Variants in ACOX2 observed in about 807,000 individuals in gnomAD.
ACOX2 encodes acyl-CoA oxidase 2, also known as peroxisomal acyl-coenzyme A oxidase 2.
A neutral mutation model predicts 77.5 loss-of-function variants in ACOX2; 59 were observed. That is an observed-to-expected ratio of 0.76 (90% confidence interval 0.62 to 0.95). The LOEUF is 0.95. Ranked by LOEUF, ACOX2 falls within the 40% of genes least tolerant of loss-of-function variation. The pLI, the probability that ACOX2 is intolerant of heterozygous loss-of-function variation, is 0.00. For missense variants in ACOX2, 837 were observed against 880.4 expected (o/e 0.95, Z 0.62); for synonymous variants, 317 against 340.1 (o/e 0.93, Z 0.75).
chr3:58,533,802 G>A lies in ACOX2; in HGVS notation c.475+192C>T. ...GAAGGAATGACTTGCCCCACTGGGA[G>A]CTCATACAATACGTGCAAATTAGAA... is the stretch of plus-strand genomic sequence containing the variant. On this transcript the variant is annotated intron_variant, in intron 4 of 14. Coordinates refer to ENST00000302819, the MANE Select transcript of ACOX2 (RefSeq NM_003500.4). The surrounding 1 kb of genome is among the most constrained non-coding windows in gnomAD (Gnocchi z 5.6). The A allele has an allele frequency of 1.1e-5, 8 of 750,686 alleles. No homozygotes were observed. The highest frequency in any genetic ancestry group is 1.3e-5 in the Non-Finnish European group (6 of 471,328). 46.5% of individuals were successfully genotyped at this position (750,686 alleles called of 1,614,324 possible).
At position 58,521,018 on chromosome 3, in the gene ACOX2, A is replaced by G. The variant is rs961271155; in HGVS notation, c.1632+1478T>C. On this transcript the variant is annotated intron_variant, in intron 12 of 14. Coordinates refer to ENST00000302819, the MANE Select transcript of ACOX2 (RefSeq NM_003500.4). This position sits in a 1 kb window ranked among gnomAD's most constrained non-coding sequence, Gnocchi z 4.8. ...AAATGAAGTAACCCTGGCAAGCAGC[A>G]TCTGGTCCATTTGAAGGCAGGCCAT... 5.9e-5 allele frequency among the ~76,000 whole-genome samples: 9 copies of G among 152,248 alleles called. No homozygotes were observed. The highest frequency in any genetic ancestry group is 1.5e-5 in the Non-Finnish European group (1 of 68,030).
In ACOX2 at chr3:58,521,678, G is replaced by C. The variant is rs987746821; in HGVS notation, c.1632+818C>G. Among the ~76,000 whole-genome samples the C allele has an allele frequency of 6.6e-6, 1 of 152,182 alleles. No homozygotes were observed. The highest frequency in any genetic ancestry group is 2.4e-5 in the African/African-American group (1 of 41,438). On this transcript the variant is annotated intron_variant, in intron 12 of 14. Coordinates refer to ENST00000302819, the MANE Select transcript of ACOX2 (RefSeq NM_003500.4). This position sits in a 1 kb window ranked among gnomAD's most constrained non-coding sequence, Gnocchi z 4.8. ...CCCACCTCCAAACAAACTCAGCAAA[G>C]GCATTGCAATGAAAACAAAACCCCA...
rs1364040351 is a variant in ACOX2 at position 58,510,663 on chromosome 3, AATATATAT to A, written c.1851-1646_1851-1639del. Among the ~76,000 whole-genome samples, 42 of 14,358 alleles carry A rather than the reference AATATATAT, an allele frequency of 2.9e-3. 1 individual carries two copies. Among genetic ancestry groups the A allele is most frequent in the Admixed American group, 3.6e-3 (3 of 844 alleles). 9.4% of individuals were successfully genotyped at this position (14,358 alleles called of 152,430 possible). A position where few individuals can be genotyped will look rare whatever the true frequency, so the allele number is the denominator to read the frequency against. On this transcript the variant is annotated intron_variant, in intron 13 of 14. Coordinates refer to ENST00000302819, the MANE Select transcript of ACOX2 (RefSeq NM_003500.4). ...AAAAAAAAAAAAAAAAAAAAAAAAA[AATATATAT>A]ATATATATATATATATATATATATA...
rs192919670 is a variant in ACOX2, at chr3:58,505,963, G to T, written c.1984-677C>A. Reference sequence around the variant, plus strand: ...GCACCACCACACCTGGCTAATTTTTGTATTTTTAATAGAGACGGAGTTTTG... The same window carrying T: ...GCACCACCACACCTGGCTAATTTTTTTATTTTTAATAGAGACGGAGTTTTG... On this transcript the variant is annotated intron_variant, in intron 14 of 14. Transcript: ENST00000302819. The surrounding 1 kb of genome is among the most constrained non-coding windows in gnomAD (Gnocchi z 4.4). Among the ~76,000 whole-genome samples, 6 of 152,152 alleles carry T rather than the reference G, an allele frequency of 3.9e-5. No homozygotes were observed. Among genetic ancestry groups the T allele is most frequent in the Non-Finnish European group, 8.8e-5 (6 of 67,986 alleles).
intron 13 of ACOX2, 46 bp from the exon 14 acceptor site, chr3:58,509,071 T>G (rs769727346): frequency 6.3e-7 from 1 of 1,595,550 alleles, no homozygotes; most frequent in Non-Finnish European, 8.6e-7. Context: ...ATTGCTCTTA[T>G]GAATCAAACT....
intron 1 of ACOX2, among the ~76,000 whole-genome samples, chr3:58,536,569 TGCC>T (rs1472171438): frequency 1.3e-5 from 2 of 152,144 alleles, no homozygotes; most frequent in East Asian, 3.9e-4. Context: ...GTCCTGCAAG[TGCC>T]CCTAGTGCGG....
chr3:58,529,032 A>G (rs895568599), intron 8 of ACOX2, 76 bp from the exon 9 acceptor site: 23 of 1,438,884 alleles, frequency 1.6e-5, no homozygotes, highest in Middle Eastern at 1.8e-4. Flanking sequence ...CACCATAAAA[A>G]CCTTAAAAAC....
Position 58,523,331 on chromosome 3 carries a change from C to T in ACOX2, c.1527-730G>A, listed in dbSNP as rs560416043. The stretch of plus-strand genomic sequence containing the variant: ...TCACCTCGAGCAGCCTTATCTTCCC[C>T]TCCTCAAATCTCCCAATTGAAATGT... On this transcript the variant is annotated intron_variant, in intron 11 of 14. Coordinates refer to ENST00000302819, the MANE Select transcript of ACOX2 (RefSeq NM_003500.4). This position sits in a 1 kb window ranked among gnomAD's most constrained non-coding sequence, Gnocchi z 5.3. Among the ~76,000 whole-genome samples the T allele has an allele frequency of 3.3e-5, 5 of 152,332 alleles. No individual in the cohort carries two copies. In the East Asian group the frequency reaches 9.6e-4, roughly 29 times the overall value.
chr3:58,518,096 A>AAAAG (rs1553855146), intron 12 of ACOX2, among the ~76,000 whole-genome samples: 13 of 151,250 alleles, frequency 8.6e-5, no homozygotes, highest in South Asian at 2.1e-4. Flanking sequence ...AAAAAAAAAA[A>AAAAG]AAAAGAAAAG....
At position 58,531,589 on chromosome 3, in the gene ACOX2, A is replaced by T; in HGVS notation, c.703+104T>A. 1.4e-6 allele frequency: 2 copies of T among 1,456,474 alleles called. No homozygotes were observed. Among genetic ancestry groups the T allele is most frequent in the South Asian group, 2.6e-5 (2 of 75,692 alleles). 90.2% of individuals were successfully genotyped at this position (1,456,474 alleles called of 1,614,324 possible). A position where few individuals can be genotyped will look rare whatever the true frequency, so the allele number is the denominator to read the frequency against. ...AACTGGACCGCTCCCTGCCCAAGGG[A>T]GACATGTCTTAGCTACTCCTGTGGC... On this transcript the variant is annotated intron_variant, in intron 6 of 14. Transcript: ENST00000302819. The surrounding 1 kb of genome is among the most constrained non-coding windows in gnomAD (Gnocchi z 5.8).
chr3:58,534,897 G>A lies in ACOX2; in HGVS notation c.160+50C>T, dbSNP rs778507962. 1 of 1,609,950 alleles carries A rather than the reference G, an allele frequency of 6.2e-7. No individual in the cohort carries two copies. The highest frequency in any genetic ancestry group is 8.5e-7 in the Non-Finnish European group (1 of 1,176,764). On this transcript the variant is annotated intron_variant, in intron 2 of 14. Transcript: ENST00000302819. This position sits in a 1 kb window ranked among gnomAD's most constrained non-coding sequence, Gnocchi z 4.8. ...TGCTAATGAAGGACTCTTCTTACAA[G>A]AGAAGCATGGGGCATAAAACAGATG...
Position 58,535,430 on chromosome 3 carries a change from C to T in ACOX2, c.-91-233G>A, listed in dbSNP as rs907099025. Among the ~76,000 whole-genome samples the T allele has an allele frequency of 5.3e-5, 8 of 152,194 alleles. No individual in the cohort carries two copies. The highest frequency in any genetic ancestry group is 1.9e-4 in the African/African-American group (8 of 41,452). On this transcript the variant is annotated intron_variant, in intron 1 of 14. Coordinates refer to ENST00000302819, the MANE Select transcript of ACOX2 (RefSeq NM_003500.4). The surrounding 1 kb of genome is among the most constrained non-coding windows in gnomAD (Gnocchi z 4.8). ...AGGGCCTGACCCCAAAGATTGGGCT[C>T]TATCCACTGCAGTTTGAGTTACATG...
rs748888103 is a variant in ACOX2, at chr3:58,535,141, C to G, written c.-35G>C. Reference sequence around the variant, plus strand: ...GATCTGTCTGGTGACTATGGAGAGACACTTCCAACCCGGCTGCTCCGAGGG... The same window carrying G: ...GATCTGTCTGGTGACTATGGAGAGAGACTTCCAACCCGGCTGCTCCGAGGG... On this transcript the variant is annotated 5_prime_UTR_variant, in exon 2 of 15. Coordinates refer to ENST00000302819, the MANE Select transcript of ACOX2 (RefSeq NM_003500.4). This position sits in a 1 kb window ranked among gnomAD's most constrained non-coding sequence, Gnocchi z 4.8. The G allele has an allele frequency of 6.2e-7, 1 of 1,613,860 alleles. No homozygotes were observed. The highest frequency in any genetic ancestry group is 2.2e-5 in the East Asian group (1 of 44,884).
At position 58,517,345 on chromosome 3, in the gene ACOX2, C is replaced by T; in HGVS notation, c.1711G>A (p.Val571Met). Reference sequence around the variant, plus strand: ...TGGAGGTCACAGAGGCGCTTGAGCACCTGCTGAATCGCTGGTTCATTTTCT... The same window carrying T: ...TGGAGGTCACAGAGGCGCTTGAGCATCTGCTGAATCGCTGGTTCATTTTCT... ...KLENEPAIQQ[V>M]LKRLCDLHAI... Residue 571 changes from valine (V) to methionine (M), a missense_variant, in exon 13 of 15, where the codon GTG (valine) becomes ATG (methionine). By Grantham distance (21) the Val-to-Met change is conservative (BLOSUM62 1). Transcript: ENST00000302819. 1 of 1,614,156 alleles carries T rather than the reference C, an allele frequency of 6.2e-7. No individual in the cohort carries two copies. Among genetic ancestry groups the T allele is most frequent in the Non-Finnish European group, 8.5e-7 (1 of 1,180,040 alleles).
chr3:58,517,585 C>T (rs2063330273), intron 12 of ACOX2, among the ~76,000 whole-genome samples, 162 bp from the exon 13 acceptor site: 1 of 122,856 alleles, frequency 8.1e-6, no homozygotes, highest in East Asian at 2.6e-4. Flanking sequence ...CTGATCAAGG[C>T]GTTTTGATGT....
chr3:58,524,297 C>T lies in ACOX2; in HGVS notation c.1526+129G>A, dbSNP rs948964258. On this transcript the variant is annotated intron_variant, in intron 11 of 14. Coordinates refer to ENST00000302819, the MANE Select transcript of ACOX2 (RefSeq NM_003500.4). This position sits in a 1 kb window ranked among gnomAD's most constrained non-coding sequence, Gnocchi z 5.5. ...CCATGGTGGCAGGAACTGAGAGGAC[C>T]GGGGAGGCTAGGCATGGGGTGGTTT... The T allele has an allele frequency of 5.9e-5, 71 of 1,197,458 alleles. No individual in the cohort carries two copies. Among genetic ancestry groups the T allele is most frequent in the Admixed American group, 1.0e-4 (4 of 39,468 alleles). The allele number at this position is 1,197,458 out of a possible 1,614,324, so 74.2% of individuals were successfully genotyped here.
intron 13 of ACOX2, among the ~76,000 whole-genome samples, chr3:58,516,844 A>AG (rs2063324633): frequency 6.6e-6 from 1 of 152,158 alleles, no homozygotes. Context: ...CTAAAAAAAA[A>AG]GAAAAGAAAA....
rs753313081 is a variant in ACOX2, at chr3:58,526,474, C to T, written c.1338G>A (p.Gln446=). ...YEGENTVLYL[Q]VARFLVKSYL... ...GTCAGCCTGGACCTTACCTGGCCAC[C>T]TGCAGGTAGAGCACTGTGTTCTCAC... The change falls in exon 10 of 15, where the codon CAG becomes CAA. Residue 446 remains glutamine (Q), a synonymous_variant. Transcript: ENST00000302819. This position sits in a 1 kb window ranked among gnomAD's most constrained non-coding sequence, Gnocchi z 4.3. The T allele has an allele frequency of 6.2e-7, 1 of 1,612,400 alleles. No homozygotes were observed. Among genetic ancestry groups the T allele is most frequent in the Non-Finnish European group, 8.5e-7 (1 of 1,179,160 alleles).
At chr3:58,518,731 C>G (rs556411376) in intron 12 of ACOX2, among the ~76,000 whole-genome samples, 1 of 152,052 alleles carries the variant, frequency 6.6e-6, no homozygotes, top group African/African-American at 2.4e-5. Flanking sequence ...CCACTGGGCT[C>G]AAGTGATTCT....
Sources: allele counts gnomAD v4.1 joint callset (sites outside exome capture counted in the v4.1 genomes callset), GRCh38; gene constraint gnomAD v4.1.1; non-coding constraint Gnocchi (gnomAD v3.1); transcripts MANE v1.5; gene names NCBI Gene and HGNC (gene_info 2026-07-23, HGNC 2026-07-21).